CARF: variants seen among roughly 807,000 people sequenced by gnomAD.
CARF encodes calcium-responsive transcription factor.
Under a neutral mutation model 82.0 loss-of-function variants are expected in CARF, and 57 were observed. That is an observed-to-expected ratio of 0.70 (90% CI 0.56 to 0.87). The LOEUF (loss-of-function observed/expected upper bound fraction) is 0.87. Among genes scored for constraint, CARF ranks in the 40% least tolerant of loss-of-function variants. The pLI is 0.00. For missense variants in CARF, 771 were observed against 855.8 expected, an observed-to-expected ratio of 0.90 and a Z score of 1.24; for synonymous variants, 268 against 290.1, an observed-to-expected ratio of 0.92 and a Z score of 0.77.
intron 8 of CARF, among the ~76,000 whole-genome samples, chr2:202,956,060 CTTTCT>C (rs936374789): frequency 6.6e-6 from 1 of 151,398 alleles, no homozygotes; most frequent in Non-Finnish European, 1.5e-5. Flanking sequence ...CATTTATTTT[CTTTCT>C]TTGCTTGCAC....
At position 202,983,812 on chromosome 2, in the gene CARF, C is replaced by T. The variant is rs2060357554; in HGVS notation, c.*188C>T. 1.9e-6 allele frequency: 1 copy of T among 515,056 alleles called. No homozygotes were observed. The highest frequency in any genetic ancestry group is 3.4e-6 in the Non-Finnish European group (1 of 297,848). 31.9% of individuals were successfully genotyped at this position (515,056 alleles called of 1,614,324 possible). On this transcript the variant is annotated 3_prime_UTR_variant, in exon 17 of 17. Coordinates refer to ENST00000438828, the MANE Select transcript of CARF (RefSeq NM_024744.17). The stretch of plus-strand genomic sequence containing the variant: ...TACCTTCCTTAAGAGATGTTTTACT[C>T]TTCTTATTTTGTATAATTTTTATGC...
chr2:202,946,327 G>C (rs1418356728), intron 5 of CARF, among the ~76,000 whole-genome samples: 1 of 152,002 alleles, frequency 6.6e-6, no homozygotes, highest in Non-Finnish European at 1.5e-5. Flanking sequence ...CAGAACAGAG[G>C]CCTCAGAAAT....
chr2:202,982,659 G>A (rs72932559), intron 16 of CARF, among the ~76,000 whole-genome samples: 13,545 of 152,054 alleles, frequency 0.089, 744 homozygotes, highest in Non-Finnish European at 0.12. Context: ...ATTTAGTACC[G>A]TAGAAATTAC....
intron 12 of CARF, among the ~76,000 whole-genome samples, chr2:202,972,951 T>C (rs559922336): frequency 8.3e-4 from 127 of 152,276 alleles, no homozygotes; most frequent in African/African-American, 2.9e-3. Context: ...TTTAACTTTT[T>C]TTGTAAAAGA....
chr2:202,959,193 AT>A (rs2059196402), intron 8 of CARF, among the ~76,000 whole-genome samples: 1 of 150,888 alleles, frequency 6.6e-6, no homozygotes. Context: ...AAATTATAGT[AT>A]AGCTAAAATT....
At chr2:202,978,160 C>G (rs750014725) in intron 14 of CARF, among the ~76,000 whole-genome samples, 2 of 152,040 alleles carry the variant, frequency 1.3e-5, no homozygotes, top group Non-Finnish European at 2.9e-5. Context: ...CTCTGAATTT[C>G]TATAATGAGC....
chr2:202,938,707 A>T (rs187942584), intron 3 of CARF, among the ~76,000 whole-genome samples: 19 of 151,154 alleles, frequency 1.3e-4, no homozygotes, highest in Non-Finnish European at 2.2e-4. Context: ...GTGGAAAAAA[A>T]TAGTTTGGAT....
chr2:202,949,611 C>T (rs1439398943), intron 5 of CARF, among the ~76,000 whole-genome samples: 4 of 149,742 alleles, frequency 2.7e-5, no homozygotes, highest in East Asian at 2.0e-4. Context: ...AGTGCAGTTG[C>T]GTGATCTCAG....
intron 12 of CARF, chr2:202,973,387 T>C (rs1368589222): frequency 2.4e-6 from 1 of 417,104 alleles, no homozygotes; most frequent in Non-Finnish European, 4.7e-6. Flanking sequence ...ATATGTTAAA[T>C]TTTATCATTT....
rs1490766195 is a variant in CARF at position 202,984,512 on chromosome 2, G to A, written c.*888G>A. 6.6e-6 allele frequency: 1 copy of A among 152,088 alleles called. No homozygotes were observed. Among genetic ancestry groups the A allele is most frequent in the Non-Finnish European group, 1.5e-5 (1 of 67,994 alleles). The allele number at this position is 152,088 out of a possible 1,614,324, so 9.4% of individuals were successfully genotyped here. On this transcript the variant is annotated 3_prime_UTR_variant, in exon 17 of 17. Transcript: ENST00000438828. ...CAGAGGATTTTTTCCCCCTTATTTT[G>A]TAATGAAGATCCAGCACTGGTTAAA...
rs1250963666 is a variant in CARF, at chr2:202,942,765, A to T, written c.104A>T (p.Asp35Val). The T allele has an allele frequency of 2.5e-6, 4 of 1,613,478 alleles. No homozygotes were observed. The highest frequency in any genetic ancestry group is 8.5e-7 in the Non-Finnish European group (1 of 1,179,796). ...CATCTAATCTGTATGGACTCCAGGG[A>T]TTCTTCCTTTGGACAAAATGATTCT... is the stretch of plus-strand genomic sequence containing the variant. ...FEHLICMDSR[D>V]SSFGQNDSPT... Residue 35 changes from aspartate (D) to valine (V), a missense_variant, in exon 5 of 17, where the codon GAT becomes GTT. Physicochemically the swap from Asp to Val is radical, Grantham distance 152 (BLOSUM62 -3). Transcript: ENST00000438828.
chr2:202,950,901 G>C (rs896199788), intron 5 of CARF, among the ~76,000 whole-genome samples: 1 of 152,078 alleles, frequency 6.6e-6, no homozygotes, highest in Non-Finnish European at 1.5e-5. Context: ...TTGAACATTG[G>C]GGAAGGAAGG....
chr2:202,954,047 T>C lies in CARF; in HGVS notation c.470T>C (p.Val157Ala), dbSNP rs35438756. The change falls in exon 7 of 17, where the codon GTA becomes GCA. Residue 157 changes from valine (V) to alanine (A), a missense_variant. Val to Ala is a moderately conservative substitution (Grantham distance 64). Coordinates refer to ENST00000438828, the MANE Select transcript of CARF (RefSeq NM_024744.17). ...EKPSNRNLPT[V>A]RVDTLADNTS... ...CCCAGTAACAGAAACTTACCAACTG[T>C]AAGAGTGGATACTCTAGCAGACAAT... 1.6e-4 allele frequency: 265 copies of C among 1,612,522 alleles called. 1 individual carries two copies. The African/African-American group carries it at 2.7e-3, about 17-fold the overall frequency.
At chr2:202,970,685 T>C (rs1352750428) in intron 11 of CARF, among the ~76,000 whole-genome samples, 1 of 152,184 alleles carries the variant, frequency 6.6e-6, no homozygotes, top group Non-Finnish European at 1.5e-5. Flanking sequence ...AGTCAACAAT[T>C]AGATCCTTCA....
chr2:202,942,685 C>A, intron 4 of CARF, 55 bp from the exon 5 acceptor site: 1 of 1,319,504 alleles, frequency 7.6e-7, no homozygotes, highest in Non-Finnish European at 1.0e-6. Flanking sequence ...TTATTATACA[C>A]ATCTTTAAAA....
chr2:202,983,412 C>T, intron 16 of CARF, 94 bp from the exon 17 acceptor site: 1 of 800,950 alleles, frequency 1.2e-6, no homozygotes, highest in Non-Finnish European at 1.9e-6. Context: ...AAAGTTTTCA[C>T]AGAAGTTATT....
chr2:202,986,229 G>C lies in CARF; in HGVS notation c.*2605G>C, dbSNP rs779637556. 2.6e-5 allele frequency: 4 copies of C among 152,078 alleles called. No homozygotes were observed. The highest frequency in any genetic ancestry group is 5.9e-5 in the Non-Finnish European group (4 of 67,970). 9.4% of individuals were successfully genotyped at this position (152,078 alleles called of 1,614,324 possible). On this transcript the variant is annotated 3_prime_UTR_variant, in exon 17 of 17. Transcript: ENST00000438828. The stretch of plus-strand genomic sequence containing the variant: ...ATCTAAATGCATGTTTAGTCACAAT[G>C]TATCAGTATTGTGTTTAAAGGTGCT...
At chr2:202,918,823 A>G (rs1690250031) in intron 2 of CARF, among the ~76,000 whole-genome samples, 1 of 152,232 alleles carries the variant, frequency 6.6e-6, no homozygotes, top group Admixed American at 6.5e-5. Flanking sequence ...GTCAGTCATC[A>G]TATTAAAACC....
At chr2:202,923,508 A>G (rs1033343041) in intron 2 of CARF, among the ~76,000 whole-genome samples, 2 of 152,256 alleles carry the variant, frequency 1.3e-5, no homozygotes, top group Non-Finnish European at 2.9e-5. Context: ...TCCCATGTTC[A>G]TGGATGGGTA....
Sources: allele counts gnomAD v4.1 joint callset (sites outside exome capture counted in the v4.1 genomes callset), GRCh38; gene constraint gnomAD v4.1.1; transcripts MANE v1.5; gene names NCBI Gene and HGNC (gene_info 2026-07-23, HGNC 2026-07-21).